Variants in ARHGAP10 observed in about 807,000 individuals in gnomAD.
ARHGAP10 encodes rho GTPase-activating protein 10.
ARHGAP10 carries 87 observed loss-of-function variants against 108.6 expected under a neutral mutation model. The observed-to-expected ratio is 0.80, with a 90% confidence interval of 0.67 to 0.96. ARHGAP10 has a LOEUF of 0.96. ARHGAP10 is among the 40% of genes least tolerant of loss of function. The probability of loss-of-function intolerance (pLI) is 0.00; values close to 1 mark genes in which losing one functional copy is unlikely to be tolerated. For missense variants in ARHGAP10, 939 were observed against 954.5 expected, an observed-to-expected ratio of 0.98 and a Z score of 0.21; for synonymous variants, 347 against 341.1, an observed-to-expected ratio of 1.02 and a Z score of -0.19.
intron 14 of ARHGAP10, among the ~76,000 whole-genome samples, chr4:147,942,316 A>G (rs563057745): frequency 1.3e-5 from 2 of 152,182 alleles, no homozygotes; most frequent in African/African-American, 2.4e-5. Flanking sequence ...GAGAGCTGCC[A>G]TTTATCCAAT....
At chr4:148,069,743 T>C (rs1430819574) in intron 22 of ARHGAP10, among the ~76,000 whole-genome samples, 1 of 152,200 alleles carries the variant, frequency 6.6e-6, no homozygotes, top group Admixed American at 6.5e-5. Flanking sequence ...CAGGGGTTAA[T>C]TTCCCAGATG....
intron 7 of ARHGAP10, among the ~76,000 whole-genome samples, chr4:147,874,621 T>G (rs1419776201): frequency 1.3e-5 from 2 of 152,198 alleles, no homozygotes; most frequent in Non-Finnish European, 2.9e-5. Flanking sequence ...CAAAACAGAT[T>G]GATTGAGTCA....
chr4:147,868,530 C>T (rs1365075699), intron 7 of ARHGAP10, among the ~76,000 whole-genome samples: 3 of 152,182 alleles, frequency 2.0e-5, no homozygotes, highest in Non-Finnish European at 4.4e-5. Flanking sequence ...GCCACCATGC[C>T]TGGCTGATGT....
intron 18 of ARHGAP10, among the ~76,000 whole-genome samples, chr4:147,991,165 TAAAAG>T (rs763538638): frequency 4.3e-4 from 63 of 146,738 alleles, no homozygotes; most frequent in Admixed American, 6.8e-4. Context: ...AAAAAATAAA[TAAAAG>T]AAAACAAATA....
chr4:147,900,289 G>A (rs1736186947), intron 10 of ARHGAP10, among the ~76,000 whole-genome samples: 1 of 152,094 alleles, frequency 6.6e-6, no homozygotes, highest in Non-Finnish European at 1.5e-5. Flanking sequence ...AATGAAAGAG[G>A]TTGAGATGCT....
At chr4:147,918,133 A>ATTTTTTTTTTTTTTTTTT (rs760617123) in intron 13 of ARHGAP10, among the ~76,000 whole-genome samples, 1 of 129,998 alleles carries the variant, frequency 7.7e-6, no homozygotes, top group Non-Finnish European at 1.6e-5. Context: ...TCTCATTAAG[A>ATTTTTTTTTTTTTTTTTT]TTTTTTTTTT....
intron 1 of ARHGAP10, among the ~76,000 whole-genome samples, chr4:147,750,457 C>T (rs1389729541): frequency 2.0e-5 from 3 of 152,024 alleles, no homozygotes; most frequent in Non-Finnish European, 1.5e-5. Context: ...ATAATCTAAT[C>T]GTAGTTTACA....
chr4:147,977,690 T>A (rs1434537446), intron 18 of ARHGAP10, among the ~76,000 whole-genome samples: 1 of 152,126 alleles, frequency 6.6e-6, no homozygotes, highest in African/African-American at 2.4e-5. Flanking sequence ...TGGGGGTACA[T>A]GTACAGGTTT....
intron 13 of ARHGAP10, among the ~76,000 whole-genome samples, chr4:147,917,596 C>T (rs1235359741): frequency 6.6e-6 from 1 of 152,154 alleles, no homozygotes; most frequent in Admixed American, 6.5e-5. Context: ...GACAGATTAG[C>T]ATAAACAAAG....
In ARHGAP10 at chr4:148,046,809, A is replaced by C. The variant is rs527880103; in HGVS notation, c.1868-83A>C. 7 of 1,352,298 alleles carry C rather than the reference A, an allele frequency of 5.2e-6. No individual in the cohort carries two copies. The African/African-American group carries it at 8.7e-5, about 17-fold the overall frequency. The allele number at this position is 1,352,298 out of a possible 1,614,324, so 83.8% of individuals were successfully genotyped here. ...TGTAATTTTATCATTTGATTGACTA[A>C]TCAAGTAACACCATATAATTATTAG... On this transcript the variant is annotated intron_variant, in intron 19 of 22. Coordinates refer to ENST00000336498, the MANE Select transcript of ARHGAP10 (RefSeq NM_024605.4).
At chr4:148,020,469 C>T (rs561826135) in intron 18 of ARHGAP10, among the ~76,000 whole-genome samples, 1 of 152,138 alleles carries the variant, frequency 6.6e-6, no homozygotes, top group South Asian at 2.1e-4. Context: ...CTGACAGGCC[C>T]CAGTGTGTGT....
Position 147,831,389 on chromosome 4 carries a change from TATAGG to T in ARHGAP10, c.312+8436_312+8440del, listed in dbSNP as rs148883265. 3.9e-4 allele frequency among the ~76,000 whole-genome samples: 59 copies of T among 152,350 alleles called. 2 individuals are homozygous for T. In the East Asian group the frequency reaches 0.01, roughly 26 times the overall value. ...GTATTTAATATTGCTTGTGAGTTCT[TATAGG>T]ATAAGTACCTAAGGCATTAGATGCC... On this transcript the variant is annotated intron_variant, in intron 3 of 22. Coordinates refer to ENST00000336498, the MANE Select transcript of ARHGAP10 (RefSeq NM_024605.4).
chr4:147,845,892 C>T (rs1019228537), intron 3 of ARHGAP10, among the ~76,000 whole-genome samples: 5 of 152,160 alleles, frequency 3.3e-5, no homozygotes, highest in Non-Finnish European at 7.3e-5. Flanking sequence ...AGTCAGGATT[C>T]CTGGCTGGTG....
intron 19 of ARHGAP10, among the ~76,000 whole-genome samples, chr4:148,041,620 C>G (rs1056836763): frequency 1.3e-5 from 2 of 152,168 alleles, no homozygotes; most frequent in African/African-American, 4.8e-5. Context: ...CTCTTGTTTC[C>G]TCCTCTTGGT....
At chr4:147,817,547 T>TGTGG (rs1732302032) in intron 1 of ARHGAP10, among the ~76,000 whole-genome samples, 1 of 152,240 alleles carries the variant, frequency 6.6e-6, no homozygotes, top group Non-Finnish European at 1.5e-5. Context: ...GCTCTCTCCA[T>TGTGG]GTGGTATCCT....
rs149626021 is a variant in ARHGAP10, at chr4:147,757,968, C to T, written c.154+25513C>T. ...GCACCATACAAATACAAGCCTGGTA[C>T]GTGTGCCATAGCTTGCTTTGTGCAC... On this transcript the variant is annotated intron_variant, in intron 1 of 22. Coordinates refer to ENST00000336498, the MANE Select transcript of ARHGAP10 (RefSeq NM_024605.4). Among the ~76,000 whole-genome samples, 400 of 152,234 alleles carry T rather than the reference C, an allele frequency of 2.6e-3. 2 individuals are homozygous for T. Among genetic ancestry groups the T allele is most frequent in the African/African-American group, 8.9e-3 (368 of 41,532 alleles).
intron 18 of ARHGAP10, among the ~76,000 whole-genome samples, chr4:147,996,280 G>A (rs147430590): frequency 1.3e-5 from 2 of 152,320 alleles, no homozygotes; most frequent in East Asian, 3.9e-4. Flanking sequence ...CAGAAAGGCA[G>A]TCGAAAACAA....
chr4:148,064,844 C>T (rs1156726766), intron 22 of ARHGAP10, among the ~76,000 whole-genome samples: 1 of 152,196 alleles, frequency 6.6e-6, no homozygotes, highest in Non-Finnish European at 1.5e-5. Context: ...TTTCTTTGTT[C>T]TCCCAGAGTT....
intron 1 of ARHGAP10, among the ~76,000 whole-genome samples, chr4:147,734,745 C>A (rs1660517583): frequency 6.6e-6 from 1 of 152,142 alleles, no homozygotes; most frequent in South Asian, 2.1e-4. Context: ...TTGAAAATGG[C>A]TTGATGAGGT....
Sources: gnomAD v4.1 joint callset for allele counts (sites outside exome capture counted in the v4.1 genomes callset) on GRCh38, gnomAD v4.1.1 for gene constraint, MANE v1.5 for transcripts, NCBI Gene and HGNC (gene_info 2026-07-23, HGNC 2026-07-21) for gene names.